ABCC1: variants seen among roughly 807,000 people sequenced by gnomAD.
ABCC1 encodes the protein ATP binding cassette subfamily C member 1 (ABCC1 blood group), also known as multidrug resistance-associated protein 1.
In ABCC1, 83 loss-of-function variants were observed where a neutral mutation model predicts 172.9. The ratio of observed to expected loss-of-function variants is 0.48; its 90% CI spans 0.40 to 0.58. The LOEUF is 0.58. Among genes scored for constraint, ABCC1 ranks in the 20% least tolerant of loss-of-function variants. ABCC1 has a pLI of 0.00. For synonymous variants in ABCC1, 937 were observed against 825.2 expected (o/e 1.14, Z -2.32); for missense variants, 1,817 against 2,002.7 (o/e 0.91, Z 1.77).
At chr16:16,137,788 A>G (rs1449442306) in intron 29 of ABCC1, among the ~76,000 whole-genome samples, 1 of 151,948 alleles carries the variant, frequency 6.6e-6, no homozygotes, top group Non-Finnish European at 1.5e-5. Context: ...CCTGGCCTCA[A>G]GCGATCCACC....
Position 16,134,443 on chromosome 16 carries a change from G to A in ABCC1, c.4060G>A (p.Asp1354Asn), listed in dbSNP as rs1268530799. 2 of 1,614,142 alleles carry A rather than the reference G, an allele frequency of 1.2e-6. No homozygotes were observed. Among genetic ancestry groups the A allele is most frequent in the Admixed American group, 1.7e-5 (1 of 60,012 alleles). ...NESAEGEIII[D>N]GINIAKIGLH... ...GTCTGCCGAAGGAGAGATCATCATC[G>A]ATGGCATCAACATCGCCAAGATCGG... is the stretch of plus-strand genomic sequence containing the variant. The change falls in exon 28 of 31, where the codon GAT becomes AAT. Residue 1354 changes from aspartate (D) to asparagine (N), a missense_variant. This residue lies in a region of ABCC1 where 1,412 missense variants were observed against 1,600.3 expected (regional missense o/e 0.88). Coordinates refer to ENST00000399410, the MANE Select transcript of ABCC1 (RefSeq NM_004996.4).
At chr16:16,005,290 C>A (rs2047485086) in intron 1 of ABCC1, among the ~76,000 whole-genome samples, 2 of 151,712 alleles carry the variant, frequency 1.3e-5, no homozygotes, top group Admixed American at 1.3e-4. Flanking sequence ...ATTGGCCCCT[C>A]CCAGCTCCTA....
At chr16:16,115,861 A>T (rs1181185966) in intron 23 of ABCC1, among the ~76,000 whole-genome samples, 1 of 151,786 alleles carries the variant, frequency 6.6e-6, no homozygotes, top group African/African-American at 2.4e-5. Context: ...AATTTAAAAA[A>T]TCTTACCATA....
chr16:16,140,213 G>A (rs1021765614), intron 30 of ABCC1, among the ~76,000 whole-genome samples: 1 of 152,216 alleles, frequency 6.6e-6, no homozygotes, highest in East Asian at 1.9e-4. Context: ...ACAGGGGCAG[G>A]AGATTAGGCC....
chr16:16,114,865 C>T lies in ABCC1; in HGVS notation c.3179C>T (p.Pro1060Leu). Residue 1060 changes from proline (P) to leucine (L), a missense_variant, in exon 23 of 31, where the codon CCC becomes CTC. Around this residue, in one of 3 missense-constraint regions of ABCC1, gnomAD observed 1,412 missense variants for 1,600.3 expected, o/e 0.88. Transcript: ENST00000399410. ...CTGCTGCACAGCATCCTGCGGTCAC[C>T]CATGAGCTTCTTTGAGCGGACCCCC... The part of the protein sequence containing the change: ...VDLLHSILRS[P>L]MSFFERTPSG... 1 of 1,613,924 alleles carries T rather than the reference C, an allele frequency of 6.2e-7. No individual in the cohort carries two copies. The highest frequency in any genetic ancestry group is 8.5e-7 in the Non-Finnish European group (1 of 1,179,930).
At chr16:16,088,043 T>C (rs900655930) in intron 18 of ABCC1, among the ~76,000 whole-genome samples, 1 of 152,066 alleles carries the variant, frequency 6.6e-6, no homozygotes, top group Admixed American at 6.6e-5. Flanking sequence ...TTTTTGAAAA[T>C]TACTAAGTAA....
chr16:16,120,812 G>T (rs771783973), intron 23 of ABCC1, among the ~76,000 whole-genome samples: 1 of 152,054 alleles, frequency 6.6e-6, no homozygotes, highest in Non-Finnish European at 1.5e-5. Flanking sequence ...TCGGAGGGGG[G>T]TGACGAGATT....
chr16:16,080,548 G>A (rs1474070626), intron 16 of ABCC1, among the ~76,000 whole-genome samples: 1 of 152,100 alleles, frequency 6.6e-6, no homozygotes, highest in Non-Finnish European at 1.5e-5. Context: ...GTAACGACAC[G>A]TCCCTGGAAG....
At chr16:16,130,450 G>A (rs1466503003) in intron 26 of ABCC1, among the ~76,000 whole-genome samples, 2 of 151,982 alleles carry the variant, frequency 1.3e-5, no homozygotes, top group African/African-American at 4.8e-5. Flanking sequence ...TTTACTCACT[G>A]CAGTGTGAGG....
intron 18 of ABCC1, among the ~76,000 whole-genome samples, chr16:16,089,871 ACT>A (rs1243155523): frequency 5.0e-5 from 7 of 140,976 alleles, no homozygotes; most frequent in Non-Finnish European, 9.1e-5. Flanking sequence ...ACAAAGTGAA[ACT>A]CTGTCTCAAA....
rs1206837078 is a variant in ABCC1 at position 16,009,790 on chromosome 16, G to T, written c.240G>T (p.Leu80Phe). 6.2e-7 allele frequency: 1 copy of T among 1,606,796 alleles called. No homozygotes were observed. The highest frequency in any genetic ancestry group is 8.5e-7 in the Non-Finnish European group (1 of 1,176,970). The change falls in exon 3 of 31, where the codon TTG becomes TTT. Residue 80 changes from leucine (L) to phenylalanine (F), a missense_variant. Physicochemically the swap from Leu to Phe is conservative, Grantham distance 22. This residue lies in a region of ABCC1 where 398 missense variants were observed against 384.2 expected (regional missense o/e 1.04). Coordinates refer to ENST00000399410, the MANE Select transcript of ABCC1 (RefSeq NM_004996.4). ...LNKTKTALGF[L>F]LWIVCWADLF... ...TTCTCTTCCAGGCCTTGGGATTTTT[G>T]CTGTGGATCGTCTGCTGGGCAGACC...
chr16:16,001,849 T>G (rs1167299013), intron 1 of ABCC1, among the ~76,000 whole-genome samples: 1 of 152,166 alleles, frequency 6.6e-6, no homozygotes, highest in African/African-American at 2.4e-5. Context: ...TAAATGTTAC[T>G]GTAGGCACCC....
At chr16:16,111,061 G>A (rs902915415) in intron 21 of ABCC1, among the ~76,000 whole-genome samples, 6 of 151,936 alleles carry the variant, frequency 3.9e-5, no homozygotes, top group South Asian at 2.1e-4. Flanking sequence ...CCACACACCC[G>A]GCTAACTTTA....
rs1224172288 is a variant in ABCC1, at chr16:15,960,850, C to T, written c.48+11051C>T. Reference sequence around the variant, plus strand: ...TCATAAAAATCTAGCCTGGAGCATTCGGCAAAATGCATAAAGCACTAACAC... The same window carrying T: ...TCATAAAAATCTAGCCTGGAGCATTTGGCAAAATGCATAAAGCACTAACAC... On this transcript the variant is annotated intron_variant, in intron 1 of 30. Coordinates refer to ENST00000399410, the MANE Select transcript of ABCC1 (RefSeq NM_004996.4). Among the ~76,000 whole-genome samples, 20 of 152,200 alleles carry T rather than the reference C, an allele frequency of 1.3e-4. No individual in the cohort carries two copies. In the East Asian group the frequency reaches 3.3e-3, roughly 25 times the overall value.
At chr16:15,972,524 G>A (rs774483838) in intron 1 of ABCC1, among the ~76,000 whole-genome samples, 6 of 152,082 alleles carry the variant, frequency 3.9e-5, no homozygotes, top group African/African-American at 1.4e-4. Flanking sequence ...CTGGGTTCAA[G>A]GTAGGAAGAG....
intron 27 of ABCC1, among the ~76,000 whole-genome samples, chr16:16,132,421 G>A (rs993781319): frequency 1.3e-5 from 2 of 150,678 alleles, no homozygotes; most frequent in Non-Finnish European, 2.9e-5. Flanking sequence ...CGGTCTGCCC[G>A]CCTCAGCTTC....
chr16:15,990,816 A>ATTTTTTTTTT (rs57111358), intron 1 of ABCC1, among the ~76,000 whole-genome samples: 1 of 118,208 alleles, frequency 8.5e-6, no homozygotes, highest in African/African-American at 3.2e-5. Flanking sequence ...CGCCCGGCTA[A>ATTTTTTTTTT]TTTTTTTTTT....
chr16:16,120,305 C>A lies in ABCC1; in HGVS notation c.3391-1670C>A, dbSNP rs184607327. 9.8e-5 allele frequency among the ~76,000 whole-genome samples: 15 copies of A among 152,304 alleles called. No homozygotes were observed. The East Asian group carries it at 2.5e-3, about 25-fold the overall frequency. ...AGGCACCTTGTGGAATCAGGAACCC[C>A]GGGCTCACCAGTTCCTTTTGCGTAG... On this transcript the variant is annotated intron_variant, in intron 23 of 30. Transcript: ENST00000399410.
At chr16:16,049,097 T>C (rs947599569) in intron 10 of ABCC1, among the ~76,000 whole-genome samples, 2 of 152,156 alleles carry the variant, frequency 1.3e-5, no homozygotes, top group African/African-American at 4.8e-5. Context: ...CAAGCAATGT[T>C]GTCAGTACTC....
Sources: allele counts gnomAD v4.1 joint callset (sites outside exome capture counted in the v4.1 genomes callset), GRCh38; gene constraint gnomAD v4.1.1; regional missense constraint gnomAD v4.1.1; transcripts MANE v1.5; gene names NCBI Gene and HGNC (gene_info 2026-07-23, HGNC 2026-07-21).